MRC2: variants seen among roughly 807,000 people sequenced by gnomAD.
MRC2 encodes mannose receptor C-type 2.
MRC2 carries 84 observed loss-of-function variants against 206.2 expected under a neutral mutation model. That is an observed-to-expected ratio of 0.41 (90% CI 0.34 to 0.49). MRC2 has a LOEUF of 0.49. Among genes scored for constraint, MRC2 ranks in the 20% least tolerant of loss-of-function variants. The pLI is 0.31. For synonymous variants in MRC2, 798 were observed against 800.0 expected, an observed-to-expected ratio of 1.00 and a Z score of 0.04; for missense variants, 1,676 against 2,001.5, an observed-to-expected ratio of 0.84 and a Z score of 3.10.
chr17:62,690,954 A>C lies in MRC2; in HGVS notation c.4018A>C (p.Thr1340Pro). 1.3e-6 allele frequency: 2 copies of C among 1,599,386 alleles called. No homozygotes were observed. Among genetic ancestry groups the C allele is most frequent in the Non-Finnish European group, 1.7e-6 (2 of 1,173,998 alleles). Residue 1340 changes from threonine to proline, a missense_variant, in exon 28 of 30, where the codon ACT becomes CCT. Thr to Pro is a conservative substitution (Grantham distance 38). This residue lies in a region of MRC2 where 1,354 missense variants were observed against 1,636.6 expected (regional missense o/e 0.83). Coordinates refer to ENST00000303375, the MANE Select transcript of MRC2 (RefSeq NM_006039.5). Reference protein sequence around the residue: ...LGMNFNPKGGTLVWQDNTAVN... With the variant: ...LGMNFNPKGGPLVWQDNTAVN... ...CAGTGCCTTCTTTCCTGCAGGAGGC[A>C]CTCTGGTCTGGCAGGACAACACAGC...
chr17:62,648,474 C>G (rs1456691709), intron 1 of MRC2, among the ~76,000 whole-genome samples: 1 of 152,230 alleles, frequency 6.6e-6, no homozygotes, highest in Non-Finnish European at 1.5e-5. Context: ...TGTGAGTGAC[C>G]TCATTTTCCC....
chr17:62,672,076 G>C lies in MRC2; in HGVS notation c.1385G>C (p.Ser462Thr). 6.2e-7 allele frequency: 1 copy of C among 1,614,126 alleles called. No individual in the cohort carries two copies. The highest frequency in any genetic ancestry group is 8.5e-7 in the Non-Finnish European group (1 of 1,180,032). The change falls in exon 8 of 30, where the codon AGC (serine) becomes ACC (threonine). Residue 462 changes from serine (S) to threonine (T), a missense_variant. By Grantham distance (58) the Ser-to-Thr change is moderately conservative. Coordinates refer to ENST00000303375, the MANE Select transcript of MRC2 (RefSeq NM_006039.5). This position sits in a 1 kb window ranked among gnomAD's most constrained non-coding sequence, Gnocchi z 4.5. The stretch of plus-strand genomic sequence containing the variant: ...GAGTGGTCTGACGGGAGCCTTGTGA[G>C]CTTCACCCACTGGCACCCCTTTGAG... ...NFEWSDGSLV[S>T]FTHWHPFEPN... is the part of the protein sequence containing the mutation.
At chr17:62,679,187 T>C (rs1265323600) in intron 13 of MRC2, among the ~76,000 whole-genome samples, 2 of 152,192 alleles carry the variant, frequency 1.3e-5, no homozygotes, top group Non-Finnish European at 2.9e-5. Flanking sequence ...GGATCTGGGC[T>C]TCCTGATAGC....
chr17:62,688,606 C>T lies in MRC2; in HGVS notation c.3167C>T (p.Ala1056Val), dbSNP rs1160032231. ...QWVEQEPLMY[A>V]NWAPGEPSGP... ...GTGGAGCAGGAGCCTTTGATGTATG[C>T]CAACTGGGCACCTGGGGAGCCCTCT... The change falls in exon 22 of 30, where the codon GCC becomes GTC. Residue 1056 changes from alanine to valine, a missense_variant. Ala to Val is a moderately conservative substitution (Grantham distance 64). Coordinates refer to ENST00000303375, the MANE Select transcript of MRC2 (RefSeq NM_006039.5). 1.2e-6 allele frequency: 2 copies of T among 1,614,046 alleles called. No homozygotes were observed. The highest frequency in any genetic ancestry group is 2.2e-5 in the East Asian group (1 of 44,876).
chr17:62,692,068 AT>A lies in MRC2; in HGVS notation c.4193-43del. 1 of 1,613,752 alleles carries A rather than the reference AT, an allele frequency of 6.2e-7. No individual in the cohort carries two copies. The highest frequency in any genetic ancestry group is 8.5e-7 in the Non-Finnish European group (1 of 1,179,714). The stretch of plus-strand genomic sequence containing the variant: ...TATGTTTACTTAAGTGATTATTACG[AT>A]GATCACTGCTATTATTAACTGGCCC... On this transcript the variant is annotated intron_variant, in intron 28 of 29. Coordinates refer to ENST00000303375, the MANE Select transcript of MRC2 (RefSeq NM_006039.5). This position sits in a 1 kb window ranked among gnomAD's most constrained non-coding sequence, Gnocchi z 4.2.
Position 62,667,544 on chromosome 17 carries a change from G to T in MRC2, c.1117+11G>T. On this transcript the variant is annotated intron_variant, in intron 6 of 29. Transcript: ENST00000303375. The surrounding 1 kb of genome is among the most constrained non-coding windows in gnomAD (Gnocchi z 4.1). ...AGCCCACCCCTCCAGGTGAGCCAGG[G>T]ACTGTGCCGCAGGGTGGGGAGGGGC... 1 of 1,606,904 alleles carries T rather than the reference G, an allele frequency of 6.2e-7. No individual in the cohort carries two copies. Among genetic ancestry groups the T allele is most frequent in the Non-Finnish European group, 8.5e-7 (1 of 1,178,518 alleles).
At chr17:62,677,662 G>A (rs1356537431) in intron 12 of MRC2, among the ~76,000 whole-genome samples, 176 bp downstream of exon 12, 1 of 152,210 alleles carries the variant, frequency 6.6e-6, no homozygotes, top group African/African-American at 2.4e-5. Context: ...GTAATCATTT[G>A]AGGAATTGAG....
intron 1 of MRC2, among the ~76,000 whole-genome samples, chr17:62,663,535 A>C (rs1178796050): frequency 6.6e-6 from 1 of 151,984 alleles, no homozygotes; most frequent in Non-Finnish European, 1.5e-5. Context: ...GTCTCTATGC[A>C]TTGAAGCTTC....
At position 62,667,526 on chromosome 17, in the gene MRC2, C is replaced by G. The variant is rs757552740; in HGVS notation, c.1110C>G (p.Thr370=). ...AGCCCAACGCCACGGCCGAGCCCAC[C>G]CCTCCAGGTGAGCCAGGGACTGTGC... ...KKKPNATAEP[T]PPDRWANVKV... The change falls in exon 6 of 30, where the codon ACC becomes ACG. Residue 370 remains threonine (T), a synonymous_variant. Coordinates refer to ENST00000303375, the MANE Select transcript of MRC2 (RefSeq NM_006039.5). The surrounding 1 kb of genome is among the most constrained non-coding windows in gnomAD (Gnocchi z 4.1). The G allele has an allele frequency of 1.2e-6, 2 of 1,609,146 alleles. No individual in the cohort carries two copies. Among genetic ancestry groups the G allele is most frequent in the Non-Finnish European group, 8.5e-7 (1 of 1,178,822 alleles).
rs960865502 is a variant in MRC2, at chr17:62,658,441, G to C, written c.119-6107G>C. 1.3e-5 allele frequency among the ~76,000 whole-genome samples: 2 copies of C among 152,166 alleles called. 1 individual carries two copies. The highest frequency in any genetic ancestry group is 4.1e-4 in the South Asian group (2 of 4,820). On this transcript the variant is annotated intron_variant, in intron 1 of 29. Coordinates refer to ENST00000303375, the MANE Select transcript of MRC2 (RefSeq NM_006039.5). ...CTCATGTGACAAAGGAGGAAACTGA[G>C]GCCTGAAAGGTACTTCTGTTGGACA...
chr17:62,686,529 G>A (rs1456234441), intron 20 of MRC2, among the ~76,000 whole-genome samples: 1 of 152,168 alleles, frequency 6.6e-6, no homozygotes, highest in African/African-American at 2.4e-5. Context: ...GTGGAGCTCA[G>A]GCTGTAATGC....
At chr17:62,630,627 A>T (rs1568045333) in intron 1 of MRC2, among the ~76,000 whole-genome samples, 1 of 152,016 alleles carries the variant, frequency 6.6e-6, no homozygotes. Context: ...ACCCCAGGGG[A>T]CCCTTGGAGG....
At position 62,666,776 on chromosome 17, in the gene MRC2, C is replaced by T; in HGVS notation, c.879C>T (p.Ser293=). The change falls in exon 5 of 30, where the codon AGC becomes AGT. Residue 293 remains serine, a synonymous_variant. Transcript: ENST00000303375. This position sits in a 1 kb window ranked among gnomAD's most constrained non-coding sequence, Gnocchi z 5.0. Reference sequence around the variant, plus strand: ...TGTCAGGCCTCCTCACTGGGTACAGCTCCACCCTGTGGATCGGCTTGAATG... The same window carrying T: ...TGTCAGGCCTCCTCACTGGGTACAGTTCCACCCTGTGGATCGGCTTGAATG... ...TYINGLLTGY[S]STLWIGLNDL... 1 of 1,613,804 alleles carries T rather than the reference C, an allele frequency of 6.2e-7. No individual in the cohort carries two copies.
chr17:62,677,214 A>T, intron 11 of MRC2, 55 bp from the exon 12 acceptor site: 1 of 1,426,744 alleles, frequency 7.0e-7, no homozygotes, highest in South Asian at 1.3e-5. Flanking sequence ...GATGTGAGGG[A>T]GGACCAGACT....
intron 10 of MRC2, among the ~76,000 whole-genome samples, 180 bp from the exon 11 acceptor site, chr17:62,676,203 G>T (rs1018319914): frequency 6.6e-6 from 1 of 152,160 alleles, no homozygotes; most frequent in South Asian, 2.1e-4. Context: ...GGGGTGCAGA[G>T]AATAGAAGGG....
At chr17:62,648,340 G>C (rs950360725) in intron 1 of MRC2, among the ~76,000 whole-genome samples, 2 of 152,346 alleles carry the variant, frequency 1.3e-5, no homozygotes, top group Admixed American at 6.5e-5. Context: ...GGAGGCGGAG[G>C]TTGCGTGACT....
intron 1 of MRC2, among the ~76,000 whole-genome samples, chr17:62,649,830 C>T (rs1014660922): frequency 1.3e-5 from 2 of 151,706 alleles, no homozygotes; most frequent in African/African-American, 4.8e-5. Context: ...CCCACCGATA[C>T]ATACATTTTT....
chr17:62,656,945 A>G lies in MRC2; in HGVS notation c.119-7603A>G, dbSNP rs142069164. ...TCCCCTCATCGTAGGAAGCATGGCC[A>G]TTGGCAGCCCCAGCCTAGCAATCTT... On this transcript the variant is annotated intron_variant, in intron 1 of 29. Coordinates refer to ENST00000303375, the MANE Select transcript of MRC2 (RefSeq NM_006039.5). Among the ~76,000 whole-genome samples, 412 of 152,232 alleles carry G rather than the reference A, an allele frequency of 2.7e-3. 3 individuals carry two copies. The highest frequency in any genetic ancestry group is 9.4e-3 in the African/African-American group (392 of 41,524).
At position 62,680,782 on chromosome 17, in the gene MRC2, C is replaced by T. The variant is rs776983126; in HGVS notation, c.2474-18C>T. On this transcript the variant is annotated intron_variant, in intron 16 of 29. Coordinates refer to ENST00000303375, the MANE Select transcript of MRC2 (RefSeq NM_006039.5). This position sits in a 1 kb window ranked among gnomAD's most constrained non-coding sequence, Gnocchi z 4.8. ...CCTCTGCCTGGCCGCCGCTCCCACG[C>T]CCGCGCTGCTCCTGCAGGCCGACGG... is the stretch of plus-strand genomic sequence containing the variant. 1 of 1,590,664 alleles carries T rather than the reference C, an allele frequency of 6.3e-7. No individual in the cohort carries two copies. The highest frequency in any genetic ancestry group is 8.6e-7 in the Non-Finnish European group (1 of 1,168,894).
Sources: gnomAD v4.1 joint callset for allele counts (sites outside exome capture counted in the v4.1 genomes callset) on GRCh38, gnomAD v4.1.1 for gene constraint, gnomAD v4.1.1 regional missense constraint, Gnocchi (gnomAD v3.1) non-coding constraint, MANE v1.5 for transcripts, NCBI Gene and HGNC (gene_info 2026-07-23, HGNC 2026-07-21) for gene names.